The following NSD1 variants were observed in gnomAD, a reference collection of about 807,000 sequenced individuals.
The protein encoded by NSD1 is histone-lysine N-methyltransferase, H3 lysine-36 specific.
In NSD1, 26 loss-of-function variants were observed where a neutral mutation model predicts 242.7. That is an observed-to-expected ratio of 0.11 (90% CI 0.08 to 0.15). The LOEUF is 0.15. Among genes scored for constraint, NSD1 ranks in the 10% least tolerant of loss-of-function variants. The pLI, the probability that NSD1 is intolerant of heterozygous loss-of-function variation, is 1.00. For synonymous variants in NSD1, 1,106 were observed against 1,178.1 expected (o/e 0.94, Z 1.25); for missense variants, 2,495 against 3,272.8 (o/e 0.76, Z 5.80).
At chr5:177,194,662 A>G (rs1407309003) in intron 3 of NSD1, among the ~76,000 whole-genome samples, 2 of 121,930 alleles carry the variant, frequency 1.6e-5, no homozygotes, top group African/African-American at 3.1e-5. Flanking sequence ...TTGAATAATG[A>G]GGTGCCCAAA....
chr5:177,214,469 GAAC>G (rs1459773730), intron 5 of NSD1, among the ~76,000 whole-genome samples: 6 of 152,112 alleles, frequency 3.9e-5, no homozygotes, highest in African/African-American at 1.4e-4. Context: ...TATACCCATT[GAAC>G]AACAACTCCT....
At chr5:177,215,395 C>T (rs1322895593) in intron 5 of NSD1, among the ~76,000 whole-genome samples, 1 of 151,948 alleles carries the variant, frequency 6.6e-6, no homozygotes, top group Non-Finnish European at 1.5e-5. Flanking sequence ...AGGCTGGTGT[C>T]GAACTCCTGA....
At chr5:177,158,884 A>C (rs185235023) in intron 2 of NSD1, among the ~76,000 whole-genome samples, 2 of 149,400 alleles carry the variant, frequency 1.3e-5, no homozygotes, top group African/African-American at 2.5e-5. Context: ...TTAAATATTT[A>C]GATCTTTAAT....
intron 3 of NSD1, among the ~76,000 whole-genome samples, chr5:177,198,737 G>A (rs1762290016): frequency 6.6e-6 from 1 of 152,146 alleles, no homozygotes; most frequent in East Asian, 1.9e-4. Flanking sequence ...CTAACTCTGA[G>A]TTTTAAATTG....
In NSD1 at chr5:177,295,634, G is replaced by T; in HGVS notation, c.*175G>T. ...ACTCTTGTGACATTAGCCAGTGGGG[G>T]CTTATGGTTGTGTGAACCATGTATG... On this transcript the variant is annotated 3_prime_UTR_variant, in exon 23 of 23. Transcript: ENST00000439151. This position sits in a 1 kb window ranked among gnomAD's most constrained non-coding sequence, Gnocchi z 4.3. The T allele has an allele frequency of 2.7e-6, 2 of 733,532 alleles. No individual in the cohort carries two copies. Among genetic ancestry groups the T allele is most frequent in the South Asian group, 1.6e-5 (1 of 62,394 alleles). 45.4% of individuals were successfully genotyped at this position (733,532 alleles called of 1,614,324 possible).
intron 2 of NSD1, among the ~76,000 whole-genome samples, chr5:177,165,890 C>G (rs942972334): frequency 6.6e-6 from 1 of 151,006 alleles, no homozygotes; most frequent in Non-Finnish European, 1.5e-5. Context: ...TGCGCATGAT[C>G]GCTGCTCCCA....
chr5:177,152,342 T>C (rs1213142074), intron 2 of NSD1, among the ~76,000 whole-genome samples: 1 of 151,546 alleles, frequency 6.6e-6, no homozygotes, highest in African/African-American at 2.4e-5. Context: ...TGTATGTATG[T>C]ATGTATGTAT....
At chr5:177,259,347 T>C (rs1171863511) in intron 13 of NSD1, among the ~76,000 whole-genome samples, 4 of 152,236 alleles carry the variant, frequency 2.6e-5, no homozygotes, top group African/African-American at 9.6e-5. Flanking sequence ...AGTGTGATGG[T>C]GTACACCTGT....
intron 5 of NSD1, among the ~76,000 whole-genome samples, chr5:177,213,968 A>G (rs1236284370): frequency 6.7e-6 from 1 of 149,082 alleles, no homozygotes; most frequent in East Asian, 2.0e-4. Context: ...ACCTAAATGT[A>G]CCTTTTTTGG....
At chr5:177,273,287 CTAACAG>C (rs1758088393) in intron 16 of NSD1, among the ~76,000 whole-genome samples, 1 of 90,370 alleles carries the variant, frequency 1.1e-5, no homozygotes, top group Non-Finnish European at 2.2e-5. Context: ...ATAAAATACA[CTAACAG>C]TAACAATAAC....
At chr5:177,199,879 G>A (rs911014154) in intron 3 of NSD1, among the ~76,000 whole-genome samples, 1 of 151,916 alleles carries the variant, frequency 6.6e-6, no homozygotes, top group Non-Finnish European at 1.5e-5. Context: ...ACAGGAGCGA[G>A]CCACCACGCC....
rs1167082942 is a variant in NSD1, at chr5:177,296,417, A to G, written c.*958A>G. On this transcript the variant is annotated 3_prime_UTR_variant, in exon 23 of 23. Transcript: ENST00000439151. ...CCATCCCTATTTCCCTAAAACACTC[A>G]GGTGCTTTCAGATTTCAGAGCCTCG... 4.3e-6 allele frequency: 1 copy of G among 233,308 alleles called. No homozygotes were observed. Among genetic ancestry groups the G allele is most frequent in the Non-Finnish European group, 8.5e-6 (1 of 118,074 alleles). 14.5% of individuals were successfully genotyped at this position (233,308 alleles called of 1,614,324 possible).
chr5:177,149,309 G>A (rs1246431078), intron 2 of NSD1, among the ~76,000 whole-genome samples: 1 of 151,460 alleles, frequency 6.6e-6, no homozygotes, highest in African/African-American at 2.4e-5. Flanking sequence ...ACCTCCACCT[G>A]CTGAGTTCAA....
chr5:177,187,266 G>C (rs1459690452), intron 2 of NSD1, among the ~76,000 whole-genome samples: 1 of 151,668 alleles, frequency 6.6e-6, no homozygotes, highest in African/African-American at 2.4e-5. Context: ...CACCATGCTC[G>C]GCTAATCTTT....
At chr5:177,252,052 C>A (rs114681743) in intron 12 of NSD1, among the ~76,000 whole-genome samples, 199 bp downstream of exon 12, 3,493 of 152,176 alleles carry the variant, frequency 0.023, 55 homozygotes, top group South Asian at 0.054. Context: ...GTGCAAAAAG[C>A]ATTGTGTTGG....
At chr5:177,179,075 G>C (rs1406436386) in intron 2 of NSD1, among the ~76,000 whole-genome samples, 1 of 152,042 alleles carries the variant, frequency 6.6e-6, no homozygotes, top group Non-Finnish European at 1.5e-5. Flanking sequence ...GTGCATGGAG[G>C]TGTGATAGCA....
rs1446173719 is a variant in NSD1 at position 177,209,993 on chromosome 5, A to C, written c.1594A>C (p.Asn532His). The change falls in exon 5 of 23, where the codon AAC becomes CAC. Residue 532 changes from asparagine to histidine, a missense_variant. By Grantham distance (68) the Asn-to-His change is moderately conservative (BLOSUM62 1). This residue lies in a region of NSD1 where 515 missense variants were observed against 467.0 expected (regional missense o/e 1.10). Coordinates refer to ENST00000439151, the MANE Select transcript of NSD1 (RefSeq NM_022455.5). Reference protein sequence around the residue: ...KDERRGKIPENLGLNFISGDI... With the variant: ...KDERRGKIPEHLGLNFISGDI... ...TGAACGGAGGGGAAAGATTCCAGAG[A>C]ACCTTGGCCTAAACTTTATCTCTGG... The C allele has an allele frequency of 6.2e-7, 1 of 1,614,038 alleles. No homozygotes were observed. Among genetic ancestry groups the C allele is most frequent in the African/African-American group, 1.3e-5 (1 of 74,924 alleles).
At chr5:177,268,487 A>T (rs992488131) in intron 15 of NSD1, among the ~76,000 whole-genome samples, 3 of 152,164 alleles carry the variant, frequency 2.0e-5, no homozygotes, top group Non-Finnish European at 2.9e-5. Flanking sequence ...TAATAAAATT[A>T]AAAAATATAT....
At chr5:177,137,176 G>A (rs886853090) in intron 2 of NSD1, 9 of 357,764 alleles carry the variant, frequency 2.5e-5, no homozygotes, top group African/African-American at 4.2e-5. Flanking sequence ...ATTTTATTGC[G>A]TCTAAATTCC....
Sources: gnomAD v4.1 joint callset for allele counts (sites outside exome capture counted in the v4.1 genomes callset) on GRCh38, gnomAD v4.1.1 for gene constraint, gnomAD v4.1.1 regional missense constraint, Gnocchi (gnomAD v3.1) non-coding constraint, MANE v1.5 for transcripts, NCBI Gene and HGNC (gene_info 2026-07-23, HGNC 2026-07-21) for gene names.